The following NR2F1-AS1 variants were observed in gnomAD, a reference collection of about 807,000 sequenced individuals.
NR2F1-AS1 encodes NR2F1 antisense RNA 1.
In NR2F1-AS1 at chr5:93,466,331, CT is replaced by C. The variant is rs573785186; in HGVS notation, n.639-70790del. Reference sequence around the variant, plus strand: ...AATCACATACTGCCCTCAAAGAATTCTTTTTTTTTTTTTTCTTGAGACATGG... The same window carrying C: ...AATCACATACTGCCCTCAAAGAATTCTTTTTTTTTTTTTCTTGAGACATGG... On this transcript the variant is annotated intron_variant and non_coding_transcript_variant, in intron 4 of 5. Coordinates refer to ENST00000660523, the Ensembl canonical transcript of NR2F1-AS1. 1.7e-3 allele frequency among the ~76,000 whole-genome samples: 246 copies of C among 142,392 alleles called. 2 individuals carry two copies. The highest frequency in any genetic ancestry group is 6.2e-3 in the South Asian group (28 of 4,510). The allele number at this position is 142,392 out of a possible 152,430, so 93.4% of individuals were successfully genotyped here.
At chr5:93,584,318 C>A, upstream of NR2F1-AS1, 1 of 150,264 alleles carries the variant, frequency 6.7e-6, no homozygotes, top group South Asian at 1.8e-4. Flanking sequence ...ACCTCCTCCT[C>A]CTCCGCCGCC....
chr5:93,543,658 G>T (rs1304429452), intron 4 of NR2F1-AS1: 1 of 152,102 alleles, frequency 6.6e-6, no homozygotes, highest in Non-Finnish European at 1.5e-5. Context: ...ATTTGTGGAA[G>T]CAAACTCATA....
chr5:93,457,668 G>A (rs936923650), intron 4 of NR2F1-AS1, among the ~76,000 whole-genome samples: 1 of 151,842 alleles, frequency 6.6e-6, no homozygotes, highest in Non-Finnish European at 1.5e-5. Flanking sequence ...AGGTACACCT[G>A]CACACACCGT....
upstream of NR2F1-AS1, chr5:93,581,292 G>A (rs887733570): frequency 7.2e-5 from 11 of 152,570 alleles, no homozygotes; most frequent in African/African-American, 2.2e-4. Context: ...CGGCAGCGGC[G>A]GCTTTGTCAC....
intron 4 of NR2F1-AS1, among the ~76,000 whole-genome samples, chr5:93,419,533 G>C (rs1749042746): frequency 6.6e-6 from 1 of 152,126 alleles, no homozygotes; most frequent in Non-Finnish European, 1.5e-5. Context: ...AATAACCACT[G>C]CACTCCAGCC....
intron 4 of NR2F1-AS1, among the ~76,000 whole-genome samples, chr5:93,528,847 A>G (rs1055563508): frequency 6.6e-6 from 1 of 150,538 alleles, no homozygotes; most frequent in East Asian, 2.0e-4. Context: ...GAATTGAACA[A>G]TGAGAACACA....
intron 4 of NR2F1-AS1, among the ~76,000 whole-genome samples, chr5:93,425,636 C>T (rs902713155): frequency 6.6e-6 from 1 of 152,154 alleles, no homozygotes; most frequent in Non-Finnish European, 1.5e-5. Context: ...TTAAAACGAA[C>T]TCTCAACTTC....
chr5:93,563,705 C>T (rs1237127513), intron 1 of NR2F1-AS1, among the ~76,000 whole-genome samples: 2 of 152,182 alleles, frequency 1.3e-5, no homozygotes, highest in Non-Finnish European at 2.9e-5. Flanking sequence ...TCTTCCCCAA[C>T]TTAATATACC....
intron 4 of NR2F1-AS1, among the ~76,000 whole-genome samples, chr5:93,470,037 G>GT (rs1561454839): frequency 1.3e-5 from 2 of 151,960 alleles, no homozygotes; most frequent in African/African-American, 4.8e-5. Flanking sequence ...TCTTCCAAAA[G>GT]CATTCATATT....
intron 4 of NR2F1-AS1, among the ~76,000 whole-genome samples, chr5:93,477,715 T>C (rs78072226): frequency 0.017 from 2,571 of 152,292 alleles, 78 homozygotes; most frequent in African/African-American, 0.059. Flanking sequence ...AGCCAGCCAA[T>C]ACAATCTCTC....
chr5:93,504,574 T>A (rs1414429431), intron 4 of NR2F1-AS1, among the ~76,000 whole-genome samples: 1 of 151,876 alleles, frequency 6.6e-6, no homozygotes, highest in Non-Finnish European at 1.5e-5. Flanking sequence ...GAAAAAGAAT[T>A]GAAAGAATTG....
chr5:93,506,537 T>C (rs1051777677), intron 4 of NR2F1-AS1, among the ~76,000 whole-genome samples: 8 of 152,184 alleles, frequency 5.3e-5, no homozygotes, highest in Admixed American at 5.2e-4. Context: ...CAGTTCCACA[T>C]GACTGGGGAG....
At chr5:93,533,033 G>A (rs1037252560) in intron 4 of NR2F1-AS1, among the ~76,000 whole-genome samples, 1 of 152,132 alleles carries the variant, frequency 6.6e-6, no homozygotes, top group Non-Finnish European at 1.5e-5. Flanking sequence ...AGTTATTCAT[G>A]TGTTTTCAAA....
intron 4 of NR2F1-AS1, among the ~76,000 whole-genome samples, chr5:93,417,403 A>C (rs1327036572): frequency 6.6e-6 from 1 of 152,258 alleles, no homozygotes; most frequent in African/African-American, 2.4e-5. Context: ...TGACCTCAAA[A>C]CTAAAACAGA....
intron 4 of NR2F1-AS1, among the ~76,000 whole-genome samples, chr5:93,551,848 A>G (rs538813659): frequency 2.0e-5 from 3 of 152,314 alleles, no homozygotes; most frequent in South Asian, 4.1e-4. Context: ...CAAAATAACA[A>G]AATTCCAGAC....
intron 4 of NR2F1-AS1, among the ~76,000 whole-genome samples, chr5:93,418,612 T>G (rs1749019870): frequency 6.6e-6 from 1 of 151,672 alleles, no homozygotes; most frequent in African/African-American, 2.4e-5. Flanking sequence ...AATAAATAAA[T>G]AAATAAATAA....
chr5:93,509,867 C>A (rs898491189), intron 4 of NR2F1-AS1, among the ~76,000 whole-genome samples: 1 of 151,524 alleles, frequency 6.6e-6, no homozygotes, highest in Admixed American at 6.6e-5. Flanking sequence ...GTATTTAAAT[C>A]TTTATACCTG....
chr5:93,485,453 T>C (rs541280801), intron 4 of NR2F1-AS1, among the ~76,000 whole-genome samples: 3 of 151,632 alleles, frequency 2.0e-5, no homozygotes, highest in East Asian at 1.9e-4. Context: ...TGGGACACAG[T>C]TGAAGCAGTG....
At chr5:93,515,405 T>C (rs890621920) in intron 4 of NR2F1-AS1, among the ~76,000 whole-genome samples, 15 of 151,934 alleles carry the variant, frequency 9.9e-5, no homozygotes, top group Non-Finnish European at 2.1e-4. Context: ...CTTTTCATCA[T>C]TCAAATATGT....
Sources: allele counts gnomAD v4.1 joint callset (sites outside exome capture counted in the v4.1 genomes callset), GRCh38; gene constraint gnomAD v4.1.1; transcripts MANE v1.5; gene names NCBI Gene and HGNC (gene_info 2026-07-23, HGNC 2026-07-21).